Variants in ZKSCAN7 observed in about 807,000 individuals in gnomAD.
ZKSCAN7 encodes the protein zinc finger protein with KRAB and SCAN domains 7.
ZKSCAN7 carries 38 observed loss-of-function variants against 65.3 expected under a neutral mutation model. That is an observed-to-expected ratio of 0.58 (90% CI 0.45 to 0.76). The LOEUF (loss-of-function observed/expected upper bound fraction) is 0.76, where lower values mean the gene tolerates loss of function less well. Among genes scored for constraint, ZKSCAN7 ranks in the 30% least tolerant of loss-of-function variants. The pLI is 0.00. For missense variants in ZKSCAN7, 815 were observed against 913.3 expected (o/e 0.89, Z 1.39); for synonymous variants, 321 against 321.0 (o/e 1.00, Z 0.00).
At chr3:44,561,492 C>T (rs865808462) in intron 2 of ZKSCAN7, among the ~76,000 whole-genome samples, 51 of 152,176 alleles carry the variant, frequency 3.4e-4, no homozygotes, top group African/African-American at 1.1e-3. Flanking sequence ...ACAATTATCC[C>T]TTCTCAACAG....
intron 2 of ZKSCAN7, among the ~76,000 whole-genome samples, chr3:44,562,672 T>C (rs1188352063): frequency 7.9e-5 from 12 of 152,212 alleles, no homozygotes; most frequent in Non-Finnish European, 2.9e-5. Flanking sequence ...CTTGAATGCT[T>C]TGCTGCTTAG....
intron 3 of ZKSCAN7, 128 bp from the exon 4 acceptor site, chr3:44,567,784 T>C: frequency 1.8e-6 from 1 of 568,420 alleles, no homozygotes; most frequent in Non-Finnish European, 3.2e-6. Flanking sequence ...TAATGCCTTA[T>C]GGAAGAGGTT....
rs1186839356 is a variant in ZKSCAN7, at chr3:44,555,378, G to C, written c.-222G>C. 6.6e-6 allele frequency: 1 copy of C among 152,270 alleles called. No homozygotes were observed. The highest frequency in any genetic ancestry group is 1.9e-4 in the East Asian group (1 of 5,194). 9.4% of individuals were successfully genotyped at this position (152,270 alleles called of 1,614,324 possible). On this transcript the variant is annotated 5_prime_UTR_variant, in exon 1 of 6. Transcript: ENST00000426540. ...GCGGTCCCCGTGACTCTCAGAAGCC[G>C]CCCGATGTAGAGCCGCTTCTTTGTC...
chr3:44,568,348 G>A lies in ZKSCAN7; in HGVS notation c.726G>A (p.Gln242=). 1 of 1,614,110 alleles carries A rather than the reference G, an allele frequency of 6.2e-7. No individual in the cohort carries two copies. The highest frequency in any genetic ancestry group is 2.2e-5 in the East Asian group (1 of 44,880). The part of the protein sequence containing the change: ...AYEDLSVDYT[Q]KKWKSLTLSQ... ...AGGACCTATCTGTAGACTACACTCA[G>A]AAGAAATGGAAAAGTCTCACACTCA... is the stretch of plus-strand genomic sequence containing the variant. Residue 242 remains glutamine, a synonymous_variant, in exon 5 of 6, where the codon CAG becomes CAA. Coordinates refer to ENST00000426540, the MANE Select transcript of ZKSCAN7 (RefSeq NM_001288590.2).
chr3:44,575,869 C>T (rs1360944055), downstream of ZKSCAN7, among the ~76,000 whole-genome samples: 3 of 152,126 alleles, frequency 2.0e-5, no homozygotes, highest in Admixed American at 6.5e-5. Context: ...TGAGCCACTG[C>T]GCCTGGCCTT....
chr3:44,571,991 C>T lies in ZKSCAN7; in HGVS notation c.*616C>T. 1 of 986,574 alleles carries T rather than the reference C, an allele frequency of 1.0e-6. No homozygotes were observed. The allele number at this position is 986,574 out of a possible 1,614,324, so 61.1% of individuals were successfully genotyped here. A position where few individuals can be genotyped will look rare whatever the true frequency, so the allele number is the denominator to read the frequency against. On this transcript the variant is annotated 3_prime_UTR_variant, in exon 6 of 6. Coordinates refer to ENST00000426540, the MANE Select transcript of ZKSCAN7 (RefSeq NM_001288590.2). ...ATTTGACCTCAGTGCTTTGAATTCA[C>T]TGGTGCTACAATATGTAACTGTGGT...
intron 5 of ZKSCAN7, among the ~76,000 whole-genome samples, chr3:44,579,661 C>G (rs1225307180): frequency 6.6e-6 from 1 of 152,186 alleles, no homozygotes; most frequent in African/African-American, 2.4e-5. Flanking sequence ...TAAACTCGCC[C>G]TCCTTTGTAT....
rs1488095054 is a variant in ZKSCAN7, at chr3:44,560,434, G to A, written c.423+2964G>A. Among the ~76,000 whole-genome samples, 5 of 152,094 alleles carry A rather than the reference G, an allele frequency of 3.3e-5. No homozygotes were observed. The East Asian group carries it at 9.7e-4, about 29-fold the overall frequency. ...GTACATGTGTGCACATTGTGGCTGGGAAAGGTTTGTATAGTGATCCCTGCT... is the reference window on the plus strand; with the variant it reads ...GTACATGTGTGCACATTGTGGCTGGAAAAGGTTTGTATAGTGATCCCTGCT... On this transcript the variant is annotated intron_variant, in intron 2 of 5. Coordinates refer to ENST00000426540, the MANE Select transcript of ZKSCAN7 (RefSeq NM_001288590.2).
intron 5 of ZKSCAN7, chr3:44,580,202 C>T: frequency 6.2e-7 from 1 of 1,612,006 alleles, no homozygotes; most frequent in Non-Finnish European, 8.5e-7. Context: ...GTTCTTCGGC[C>T]TTCAAGTCGT....
chr3:44,571,161 C>G lies in ZKSCAN7; in HGVS notation c.2051C>G (p.Thr684Ser), dbSNP rs1221654081. The G allele has an allele frequency of 6.2e-7, 1 of 1,613,976 alleles. No individual in the cohort carries two copies. The highest frequency in any genetic ancestry group is 1.7e-5 in the Admixed American group (1 of 60,016). ...TCCAGCCTTATGGTACATCAGAGAA[C>G]CCATACTGGGGAAAAACCCTATAAA... ...YSSSLMVHQR[T>S]HTGEKPYKCN... Residue 684 changes from threonine to serine, a missense_variant, in exon 6 of 6, where the codon ACC (threonine) becomes AGC (serine). By Grantham distance (58) the Thr-to-Ser change is moderately conservative. Transcript: ENST00000426540.
intron 3 of ZKSCAN7, among the ~76,000 whole-genome samples, chr3:44,566,980 G>A (rs562986996): frequency 2.5e-4 from 38 of 152,136 alleles, no homozygotes; most frequent in African/African-American, 8.0e-4. Flanking sequence ...GCCAGGCATA[G>A]TGGCAGGTAC....
At chr3:44,578,286 T>G (rs1699968685) in intron 5 of ZKSCAN7, 1 of 1,581,102 alleles carries the variant, frequency 6.3e-7, no homozygotes, top group African/African-American at 1.3e-5. Flanking sequence ...ATCTCCTGTT[T>G]CAGGTACTGT....
chr3:44,557,637 C>A, intron 2 of ZKSCAN7, 167 bp downstream of exon 2: 1 of 860,338 alleles, frequency 1.2e-6, no homozygotes, highest in Non-Finnish European at 1.7e-6. Context: ...GCCATAAACA[C>A]AAGTGCACAT....
At chr3:44,582,832 C>A (rs1700115460) in intron 5 of ZKSCAN7, 2 of 335,148 alleles carry the variant, frequency 6.0e-6, no homozygotes, top group Non-Finnish European at 1.2e-5. Context: ...GCCCCACCCA[C>A]CCAAATGAAA....
chr3:44,557,030 C>T lies in ZKSCAN7; in HGVS notation c.-18C>T, dbSNP rs1357746218. Reference sequence around the variant, plus strand: ...TCGGACCAACTGCAGCTGTAACAAGCTTCTCTTTGGGGTCACAATGACCAC... The same window carrying T: ...TCGGACCAACTGCAGCTGTAACAAGTTTCTCTTTGGGGTCACAATGACCAC... On this transcript the variant is annotated 5_prime_UTR_variant, in exon 2 of 6. Transcript: ENST00000426540. 1 of 1,613,810 alleles carries T rather than the reference C, an allele frequency of 6.2e-7. No individual in the cohort carries two copies. Among genetic ancestry groups the T allele is most frequent in the Admixed American group, 1.7e-5 (1 of 59,868 alleles).
intron 5 of ZKSCAN7, 182 bp downstream of exon 5, chr3:44,568,615 C>A: frequency 1.1e-6 from 1 of 878,020 alleles, no homozygotes; most frequent in Non-Finnish European, 1.6e-6. Context: ...ATACTCTTCA[C>A]CTCATTATGA....
At chr3:44,582,474 C>T (rs960532675) in intron 5 of ZKSCAN7, among the ~76,000 whole-genome samples, 4 of 152,078 alleles carry the variant, frequency 2.6e-5, no homozygotes, top group South Asian at 2.1e-4. Context: ...ACCAACTAGA[C>T]GTTGATTTCA....
At chr3:44,569,420 C>T (rs1294038695) in intron 5 of ZKSCAN7, among the ~76,000 whole-genome samples, 1 of 152,218 alleles carries the variant, frequency 6.6e-6, no homozygotes, top group African/African-American at 2.4e-5. Context: ...CCTTATCATA[C>T]CTCCATAATA....
chr3:44,578,432 C>A (rs189261759), intron 5 of ZKSCAN7: 2 of 1,614,152 alleles, frequency 1.2e-6, no homozygotes, highest in African/African-American at 2.7e-5. Flanking sequence ...TGCAGCCAGG[C>A]GGTTGTTCAG....
Sources: gnomAD v4.1 joint callset for allele counts (sites outside exome capture counted in the v4.1 genomes callset) on GRCh38, gnomAD v4.1.1 for gene constraint, MANE v1.5 for transcripts, NCBI Gene and HGNC (gene_info 2026-07-23, HGNC 2026-07-21) for gene names.